CEACAM1: variants seen among roughly 807,000 people sequenced by gnomAD.
The protein encoded by CEACAM1 is CEA cell adhesion molecule 1.
A neutral mutation model predicts 49.1 loss-of-function variants in CEACAM1; 31 were observed. The ratio of observed to expected loss-of-function variants is 0.63; its 90% CI spans 0.47 to 0.85. The LOEUF (loss-of-function observed/expected upper bound fraction) is 0.85. Ranked by LOEUF, CEACAM1 falls within the 40% of genes least tolerant of loss-of-function variation. CEACAM1 has a pLI of 0.00. For missense variants in CEACAM1, 570 were observed against 645.3 expected, an observed-to-expected ratio of 0.88 and a Z score of 1.26; for synonymous variants, 244 against 247.8, an observed-to-expected ratio of 0.98 and a Z score of 0.14.
rs1029349060 is a variant in CEACAM1 at position 42,527,490 on chromosome 19, C to A, written c.65-90G>T. The A allele has an allele frequency of 3.4e-6, 5 of 1,482,526 alleles. 1 individual carries two copies. Among genetic ancestry groups the A allele is most frequent in the African/African-American group, 2.9e-5 (2 of 69,674 alleles). 91.8% of individuals were successfully genotyped at this position (1,482,526 alleles called of 1,614,324 possible). A position where few individuals can be genotyped will look rare whatever the true frequency, so the allele number is the denominator to read the frequency against. On this transcript the variant is annotated intron_variant, in intron 1 of 8. Coordinates refer to ENST00000161559, the MANE Select transcript of CEACAM1 (RefSeq NM_001712.5). ...CTTGGGTCCTGAGCAGGTGTCTTCA[C>A]CCCTCCACCTTGGAGTGTGTGTGTG...
At chr19:42,514,692 C>T (rs1232397554) in intron 5 of CEACAM1, among the ~76,000 whole-genome samples, 1 of 152,156 alleles carries the variant, frequency 6.6e-6, no homozygotes, top group African/African-American at 2.4e-5. Context: ...GTGTGCCAGG[C>T]CCTGTGCTGC....
intron 4 of CEACAM1, chr19:42,520,919 A>G (rs935200159): frequency 7.5e-6 from 2 of 265,652 alleles, no homozygotes; most frequent in African/African-American, 4.3e-5. Flanking sequence ...TAGGTAAAAG[A>G]AGGCCAAGAA....
chr19:42,515,083 A>C, intron 5 of CEACAM1: 2 of 661,914 alleles, frequency 3.0e-6, no homozygotes, highest in South Asian at 3.2e-5. Flanking sequence ...AGCCTGGGTA[A>C]CATGGTGAGA....
chr19:42,521,670 G>A, intron 3 of CEACAM1, 149 bp from the exon 4 acceptor site: 1 of 1,523,584 alleles, frequency 6.6e-7, no homozygotes, highest in East Asian at 2.3e-5. Context: ...GTCTGGGTCT[G>A]AGACATTCAC....
rs764005076 is a variant in CEACAM1, at chr19:42,519,135, A to C, written c.1059T>G (p.Thr353=). The C allele has an allele frequency of 1.2e-6, 2 of 1,614,180 alleles. No homozygotes were observed. Among genetic ancestry groups the C allele is most frequent in the Non-Finnish European group, 1.7e-6 (2 of 1,180,030 alleles). The change falls in exon 5 of 9, where the codon ACT becomes ACG. Residue 353 remains threonine, a synonymous_variant. Coordinates refer to ENST00000161559, the MANE Select transcript of CEACAM1 (RefSeq NM_001712.5). ...TGAAGAACCAACGGATGGAGATTCC[A>C]GTGTCATTTGTGGAGCAGGTCAGGT... ...SVNLTCSTND[T]GISIRWFFKN...
chr19:42,527,422 C>G (rs1269668888), intron 1 of CEACAM1, 22 bp from the exon 2 acceptor site: 1 of 1,568,778 alleles, frequency 6.4e-7, no homozygotes, highest in Admixed American at 1.9e-5. Flanking sequence ...GAGAGAGCAT[C>G]AGTCAATATT....
chr19:42,512,986 TTGA>T (rs1568651663), intron 5 of CEACAM1, among the ~76,000 whole-genome samples: 1 of 152,184 alleles, frequency 6.6e-6, no homozygotes, highest in Non-Finnish European at 1.5e-5. Flanking sequence ...TGTTTCTAGG[TTGA>T]TGATCTCTCT....
At position 42,521,954 on chromosome 19, in the gene CEACAM1, G is replaced by A. The variant is rs943573065; in HGVS notation, c.673C>T (p.Arg225Cys). 18 of 1,614,098 alleles carry A rather than the reference G, an allele frequency of 1.1e-5. No individual in the cohort carries two copies. The highest frequency in any genetic ancestry group is 5.3e-5 in the African/African-American group (4 of 74,932). The change falls in exon 3 of 9, where the codon CGC becomes TGC. Residue 225 changes from arginine to cysteine, a missense_variant. By Grantham distance (180) the Arg-to-Cys change is radical. Coordinates refer to ENST00000161559, the MANE Select transcript of CEACAM1 (RefSeq NM_001712.5). ...ACATTCAAGGTGACTGGGTCACTGC[G>A]GTTCGCACTCACTGGGTTCTGTATT... ...CEIQNPVSAN[R>C]SDPVTLNVTY...
intron 2 of CEACAM1, among the ~76,000 whole-genome samples, chr19:42,523,562 C>T (rs573805327): frequency 6.6e-6 from 1 of 152,330 alleles, no homozygotes; most frequent in South Asian, 2.1e-4. Context: ...CAGATGATGA[C>T]ACTGTGGATC....
intron 2 of CEACAM1, among the ~76,000 whole-genome samples, chr19:42,525,117 A>G (rs1284692560): frequency 1.3e-5 from 2 of 152,088 alleles, no homozygotes; most frequent in Non-Finnish European, 2.9e-5. Context: ...GAGAGAAAGC[A>G]AAGTCCTTTC....
intron 5 of CEACAM1, among the ~76,000 whole-genome samples, chr19:42,513,822 CT>C (rs2041523401): frequency 6.9e-6 from 1 of 144,856 alleles, no homozygotes; most frequent in Non-Finnish European, 1.5e-5. Context: ...GCTTTACCTC[CT>C]TTTTTCCCCC....
chr19:42,513,915 T>TATATATATATATATATATAAATAA (rs1432939598), intron 5 of CEACAM1, among the ~76,000 whole-genome samples: 24 of 129,790 alleles, frequency 1.8e-4, no homozygotes, highest in African/African-American at 6.3e-4. Context: ...TATATATATA[T>TATATATATATATATATATAAATAA]ATAATATATA....
rs1304538321 is a variant in CEACAM1, at chr19:42,522,173, T to C, written c.454A>G (p.Asn152Asp). The C allele has an allele frequency of 1.9e-6, 3 of 1,614,268 alleles. No individual in the cohort carries two copies. The highest frequency in any genetic ancestry group is 3.3e-5 in the Admixed American group (2 of 60,030). The part of the protein sequence containing the change: ...PELPKPSISS[N>D]NSNPVEDKDA... ...TTGTCCTCCACAGGGTTGGAGTTGT[T>C]GCTGGAGATGGAGGGCTTGGGCAGC... The change falls in exon 3 of 9, where the codon AAC (asparagine) becomes GAC (aspartate). Residue 152 changes from asparagine to aspartate, a missense_variant. Coordinates refer to ENST00000161559, the MANE Select transcript of CEACAM1 (RefSeq NM_001712.5).
At chr19:42,519,273 A>G (rs771687798) in intron 4 of CEACAM1, 38 bp from the exon 5 acceptor site, 3 of 1,607,148 alleles carry the variant, frequency 1.9e-6, no homozygotes, top group Non-Finnish European at 2.6e-6. Context: ...ACCTACTGAG[A>G]ATAGGGTTGG....
Position 42,527,110 on chromosome 19 carries a change from A to G in CEACAM1, c.355T>C (p.Phe119Leu). 6.2e-7 allele frequency: 1 copy of G among 1,614,004 alleles called. No homozygotes were observed. The highest frequency in any genetic ancestry group is 1.1e-5 in the South Asian group (1 of 91,064). The change falls in exon 2 of 9, where the codon TTC becomes CTC. Residue 119 changes from phenylalanine (F) to leucine (L), a missense_variant. Physicochemically the swap from Phe to Leu is conservative, Grantham distance 22. Coordinates refer to ENST00000161559, the MANE Select transcript of CEACAM1 (RefSeq NM_001712.5). ...GACTTTATGACTTGTAGGGTGTAGA[A>G]TCCTGTGTCATTCTGGGTGACGTTC... is the stretch of plus-strand genomic sequence containing the variant. ...IQNVTQNDTGFYTLQVIKSDL... is the reference protein window; with the variant it reads ...IQNVTQNDTGLYTLQVIKSDL...
chr19:42,509,007 T>A lies in CEACAM1; in HGVS notation c.*102A>T, dbSNP rs1201237364. 6.2e-6 allele frequency: 9 copies of A among 1,445,582 alleles called. No individual in the cohort carries two copies. Among genetic ancestry groups the A allele is most frequent in the Non-Finnish European group, 7.6e-6 (8 of 1,049,050 alleles). 89.5% of individuals were successfully genotyped at this position (1,445,582 alleles called of 1,614,324 possible). On this transcript the variant is annotated 3_prime_UTR_variant, in exon 9 of 9. Coordinates refer to ENST00000161559, the MANE Select transcript of CEACAM1 (RefSeq NM_001712.5). Reference sequence around the variant, plus strand: ...GAAGGAAGAGTAGGAGAAAGTTGTTTCTGTCCCCACCCCTCTACCCCTACA... The same window carrying A: ...GAAGGAAGAGTAGGAGAAAGTTGTTACTGTCCCCACCCCTCTACCCCTACA...
chr19:42,509,383 T>C (rs1477984224), intron 8 of CEACAM1, among the ~76,000 whole-genome samples, 155 bp from the exon 9 acceptor site: 1 of 152,172 alleles, frequency 6.6e-6, no homozygotes, highest in Non-Finnish European at 1.5e-5. Context: ...GCTGACCTCC[T>C]GATGAATGAT....
chr19:42,528,272 G>C, intron 1 of CEACAM1, 39 bp downstream of exon 1: 1 of 1,580,996 alleles, frequency 6.3e-7, no homozygotes, highest in Non-Finnish European at 8.7e-7. Context: ...TTCTCTGTGC[G>C]CCCTCTTTCC....
chr19:42,527,458 A>G (rs568041240), intron 1 of CEACAM1, 58 bp from the exon 2 acceptor site: 1 of 1,534,762 alleles, frequency 6.5e-7, no homozygotes, highest in Non-Finnish European at 8.7e-7. Flanking sequence ...GGGTAGAAAA[A>G]TGGGGCCTTG....
Sources: gnomAD v4.1 joint callset for allele counts (sites outside exome capture counted in the v4.1 genomes callset) on GRCh38, gnomAD v4.1.1 for gene constraint, MANE v1.5 for transcripts, NCBI Gene and HGNC (gene_info 2026-07-23, HGNC 2026-07-21) for gene names.